The following TRIM55 variants were observed in gnomAD, a reference collection of about 807,000 sequenced individuals.
The protein encoded by TRIM55 is tripartite motif-containing protein 55.
Under a neutral mutation model 60.9 loss-of-function variants are expected in TRIM55, and 50 were observed. The observed-to-expected ratio is 0.82, with a 90% CI of 0.65 to 1.04. TRIM55 has a LOEUF of 1.04. TRIM55 is among the 50% of genes least tolerant of loss of function. The pLI is 0.00. For missense variants in TRIM55, 681 were observed against 666.9 expected (o/e 1.02, Z -0.23); for synonymous variants, 237 against 238.1 (o/e 1.00, Z 0.04).
chr8:66,167,582 G>A (rs1348059439), intron 9 of TRIM55, among the ~76,000 whole-genome samples: 20 of 152,126 alleles, frequency 1.3e-4, no homozygotes. Context: ...TCAGGAAGAA[G>A]TGAGTTTAAT....
chr8:66,127,049 C>G, upstream of TRIM55: 2 of 438,942 alleles, frequency 4.6e-6, no homozygotes, highest in South Asian at 8.0e-5. Flanking sequence ...ATCCTCCTGT[C>G]ACTGGCTTAT....
intron 9 of TRIM55, among the ~76,000 whole-genome samples, chr8:66,165,186 G>T (rs1010309691): frequency 1.3e-5 from 2 of 152,144 alleles, no homozygotes; most frequent in Non-Finnish European, 1.5e-5. Flanking sequence ...TGGACAATGG[G>T]CCAAAGTTCC....
At chr8:66,142,696 G>A (rs1419166427) in intron 4 of TRIM55, among the ~76,000 whole-genome samples, 1 of 152,134 alleles carries the variant, frequency 6.6e-6, no homozygotes, top group African/African-American at 2.4e-5. Flanking sequence ...TAGTAGAAAA[G>A]AGCCTGAGTT....
At chr8:66,117,542 G>A in the TRIM55 span, among the ~76,000 whole-genome samples, 1 of 152,234 alleles carries the variant, frequency 6.6e-6, no homozygotes, top group Non-Finnish European at 1.5e-5. Context: ...AAGTCGGAGA[G>A]ATAGGCAAGG....
rs944203015 is a variant in TRIM55 at position 66,162,080 on chromosome 8, A to G, written c.1524+7746A>G. On this transcript the variant is annotated intron_variant, in intron 9 of 9. Transcript: ENST00000315962. Reference sequence around the variant, plus strand: ...TTGAATAGAAATGGTGAAAGTGGGCATCCTTGTCTTGTTCTTGTTCTCAGG... The same window carrying G: ...TTGAATAGAAATGGTGAAAGTGGGCGTCCTTGTCTTGTTCTTGTTCTCAGG... Among the ~76,000 whole-genome samples the G allele has an allele frequency of 9.9e-5, 15 of 151,594 alleles. 1 individual carries two copies. Among genetic ancestry groups the G allele is most frequent in the Admixed American group, 9.2e-4 (14 of 15,256 alleles).
chr8:66,137,120 T>C lies in TRIM55; in HGVS notation c.533T>C (p.Ile178Thr), dbSNP rs766516903. ...TCTGAGCTCAGTGATGGCATCGCCATCCTCGTGGGCAGCAACGATCGAGTC... is the reference window on the plus strand; with the variant it reads ...TCTGAGCTCAGTGATGGCATCGCCACCCTCGTGGGCAGCAACGATCGAGTC... ...QKSELSDGIA[I>T]LVGSNDRVQG... The change falls in exon 4 of 10, where the codon ATC becomes ACC. Residue 178 changes from isoleucine to threonine, a missense_variant. By Grantham distance (89) the Ile-to-Thr change is moderately conservative. Transcript: ENST00000315962. The C allele has an allele frequency of 1.2e-5, 20 of 1,614,104 alleles. No individual in the cohort carries two copies. The highest frequency in any genetic ancestry group is 1.6e-5 in the Non-Finnish European group (19 of 1,179,992).
At chr8:66,172,486 T>G (rs1424805252) in intron 9 of TRIM55, among the ~76,000 whole-genome samples, 1 of 152,234 alleles carries the variant, frequency 6.6e-6, no homozygotes, top group African/African-American at 2.4e-5. Context: ...GGAGGAAAAC[T>G]TAATAATTTC....
At chr8:66,127,461 A>C in intron 1 of TRIM55, 25 bp downstream of exon 1, 1 of 1,347,252 alleles carries the variant, frequency 7.4e-7, no homozygotes, top group South Asian at 1.2e-5. Flanking sequence ...AATTTGGTTG[A>C]GGGGAGGGGG....
Position 66,154,202 on chromosome 8 carries a change from A to G in TRIM55, c.1392A>G (p.Glu464=), listed in dbSNP as rs766182939. 2 of 1,614,090 alleles carry G rather than the reference A, an allele frequency of 1.2e-6. No individual in the cohort carries two copies. Among genetic ancestry groups the G allele is most frequent in the East Asian group, 4.5e-5 (2 of 44,876 alleles). Residue 464 remains glutamate, a synonymous_variant, in exon 9 of 10, where the codon GAA becomes GAG. Transcript: ENST00000315962. The stretch of plus-strand genomic sequence containing the variant: ...ACCCACCTTGCACCCCAGGGAGCGA[A>G]GGTCTGGGGCAAATAGGGCCTCCAG... ...TTNPPCTPGS[E]GLGQIGPPGS... is the part of the protein sequence containing the mutation.
the TRIM55 span, chr8:66,114,460 C>T: frequency 4.5e-6 from 2 of 443,822 alleles, no homozygotes; most frequent in Non-Finnish European, 9.1e-6. Flanking sequence ...GGGAAATTCA[C>T]GAAACTGGTT....
upstream of TRIM55, among the ~76,000 whole-genome samples, chr8:66,123,614 G>A (rs1808712954): frequency 6.6e-6 from 1 of 152,138 alleles, no homozygotes; most frequent in African/African-American, 2.4e-5. Context: ...CCAGAGTTTT[G>A]GGAGGCCAAG....
chr8:66,167,870 C>G lies in TRIM55; in HGVS notation c.1525-6601C>G, dbSNP rs116465819. ...TTCAGATGATTCTCCCACCCAGCCTCCTGAGTAGCTAGGACTGCAGGCATG... is the reference window on the plus strand; with the variant it reads ...TTCAGATGATTCTCCCACCCAGCCTGCTGAGTAGCTAGGACTGCAGGCATG... On this transcript the variant is annotated intron_variant, in intron 9 of 9. Transcript: ENST00000315962. 7.6e-3 allele frequency among the ~76,000 whole-genome samples: 1,158 copies of G among 152,258 alleles called. 16 individuals are homozygous for G. The highest frequency in any genetic ancestry group is 0.026 in the African/African-American group (1,095 of 41,552).
chr8:66,113,379 C>T, the TRIM55 span: 1 of 388,798 alleles, frequency 2.6e-6, no homozygotes, highest in South Asian at 1.9e-5. Context: ...TTCGATAGCT[C>T]AGCTGGTAGA....
intron 9 of TRIM55, among the ~76,000 whole-genome samples, chr8:66,171,199 C>T (rs536349055): frequency 1.4e-4 from 22 of 152,148 alleles, no homozygotes; most frequent in African/African-American, 2.9e-4. Flanking sequence ...GTAAGCCTAG[C>T]GCTCATTAGT....
At chr8:66,148,403 C>G (rs1810221542) in intron 4 of TRIM55, among the ~76,000 whole-genome samples, 1 of 152,208 alleles carries the variant, frequency 6.6e-6, no homozygotes. Context: ...AATAGAGGAT[C>G]TGGTAGATAC....
intron 1 of TRIM55, 119 bp from the exon 2 acceptor site, chr8:66,128,184 TC>T: frequency 1.0e-6 from 1 of 976,626 alleles, no homozygotes; most frequent in South Asian, 1.8e-5. Context: ...TGAGGGATGA[TC>T]TTATGGCAAG....
intron 1 of TRIM55, among the ~76,000 whole-genome samples, chr8:66,127,703 C>T (rs1392435195): frequency 1.3e-5 from 2 of 151,858 alleles, no homozygotes; most frequent in Non-Finnish European, 1.5e-5. Context: ...GGCATGGTGG[C>T]GGGCACCTAT....
chr8:66,160,506 TATA>T (rs1276175881), intron 9 of TRIM55, among the ~76,000 whole-genome samples: 1 of 152,148 alleles, frequency 6.6e-6, no homozygotes, highest in African/African-American at 2.4e-5. Context: ...ATCTTTTTTG[TATA>T]ATGACTTATT....
In TRIM55 at chr8:66,167,571, G is replaced by T. The variant is rs149928338; in HGVS notation, c.1525-6900G>T. Among the ~76,000 whole-genome samples the T allele has an allele frequency of 8.7e-4, 133 of 152,140 alleles. 1 individual carries two copies. Among genetic ancestry groups the T allele is most frequent in the Admixed American group, 2.2e-3 (33 of 15,276 alleles). On this transcript the variant is annotated intron_variant, in intron 9 of 9. Transcript: ENST00000315962. Reference sequence around the variant, plus strand: ...TACACACCACAGCATCCTCCTCCACGTCAGGAAGAAGTGAGTTTAATTCCT... The same window carrying T: ...TACACACCACAGCATCCTCCTCCACTTCAGGAAGAAGTGAGTTTAATTCCT...
Sources: gnomAD v4.1 joint callset for allele counts (sites outside exome capture counted in the v4.1 genomes callset) on GRCh38, gnomAD v4.1.1 for gene constraint, MANE v1.5 for transcripts, NCBI Gene and HGNC (gene_info 2026-07-23, HGNC 2026-07-21) for gene names.